Variants in KCNQ3 observed in about 807,000 individuals in gnomAD.
KCNQ3 encodes the protein potassium voltage-gated channel subfamily Q member 3.
A neutral mutation model predicts 92.5 loss-of-function variants in KCNQ3; 30 were observed. The observed-to-expected ratio is 0.32, with a 90% CI of 0.24 to 0.44. KCNQ3 has a LOEUF of 0.44. Ranked by LOEUF, KCNQ3 falls within the 20% of genes least tolerant of loss-of-function variation. The pLI is 1.00. For missense variants in KCNQ3, 913 were observed against 1,140.3 expected, an observed-to-expected ratio of 0.80 and a Z score of 2.87; for synonymous variants, 450 against 468.8, an observed-to-expected ratio of 0.96 and a Z score of 0.52.
intron 9 of KCNQ3, among the ~76,000 whole-genome samples, chr8:132,145,830 C>T (rs1825433277): frequency 6.6e-6 from 1 of 152,134 alleles, no homozygotes; most frequent in Admixed American, 6.5e-5. Flanking sequence ...TTTCAGTAAT[C>T]AAGGATTAAG....
intron 1 of KCNQ3, among the ~76,000 whole-genome samples, chr8:132,367,903 C>T (rs536187431): frequency 6.6e-6 from 1 of 152,148 alleles, no homozygotes; most frequent in Non-Finnish European, 1.5e-5. Context: ...ACCGGGCATG[C>T]AGTAGGTGAT....
Position 132,212,788 on chromosome 8 carries a change from C to T in KCNQ3, c.387-26607G>A, listed in dbSNP as rs80117921. On this transcript the variant is annotated intron_variant, in intron 1 of 14. Transcript: ENST00000388996. Reference sequence around the variant, plus strand: ...CTTCACCTCCACTGCTGTCACTATCCCCCTAGCCTGTGACTTTGGCTTTTT... The same window carrying T: ...CTTCACCTCCACTGCTGTCACTATCTCCCTAGCCTGTGACTTTGGCTTTTT... Among the ~76,000 whole-genome samples, 18 of 152,268 alleles carry T rather than the reference C, an allele frequency of 1.2e-4. No homozygotes were observed. In the East Asian group the frequency reaches 3.5e-3, roughly 29 times the overall value.
chr8:132,460,338 A>G (rs2673586), intron 1 of KCNQ3, among the ~76,000 whole-genome samples: 134,211 of 152,234 alleles, frequency 0.88, 59,238 homozygotes, highest in East Asian at 0.94. Flanking sequence ...ATAACCATCT[A>G]TGTTTGTATT....
intron 1 of KCNQ3, among the ~76,000 whole-genome samples, chr8:132,392,623 A>G (rs1183128947): frequency 1.3e-5 from 2 of 151,916 alleles, no homozygotes; most frequent in African/African-American, 2.4e-5. Context: ...GCAACACAGC[A>G]AGACCCTGAC....
chr8:132,251,837 G>A (rs1423593953), intron 1 of KCNQ3, among the ~76,000 whole-genome samples: 1 of 152,218 alleles, frequency 6.6e-6, no homozygotes, highest in Non-Finnish European at 1.5e-5. Context: ...ATCCCTCTCG[G>A]AGAATTTTAT....
At chr8:132,393,721 T>C (rs949877134) in intron 1 of KCNQ3, among the ~76,000 whole-genome samples, 4 of 152,216 alleles carry the variant, frequency 2.6e-5, no homozygotes, top group African/African-American at 9.7e-5. Flanking sequence ...CTAAGGACTG[T>C]TATTCCTCAT....
chr8:132,257,729 G>A (rs1260083285), intron 1 of KCNQ3, among the ~76,000 whole-genome samples: 2 of 118,228 alleles, frequency 1.7e-5, no homozygotes, highest in African/African-American at 6.3e-5. Flanking sequence ...CCTGGTGATA[G>A]AGTGAGACTC....
At chr8:132,140,050 C>G (rs1295591877) in intron 11 of KCNQ3, 26 bp downstream of exon 11, 1 of 1,510,404 alleles carries the variant, frequency 6.6e-7, no homozygotes, top group Admixed American at 1.9e-5. Flanking sequence ...GGCACACAGG[C>G]ACAGGTGGGA....
At chr8:132,376,458 G>A (rs1244817086) in intron 1 of KCNQ3, among the ~76,000 whole-genome samples, 3 of 152,166 alleles carry the variant, frequency 2.0e-5, no homozygotes, top group Non-Finnish European at 2.9e-5. Context: ...ACAGAGCAGT[G>A]GTTTCATTAA....
intron 1 of KCNQ3, among the ~76,000 whole-genome samples, chr8:132,257,317 G>A (rs971077698): frequency 2.0e-5 from 3 of 151,976 alleles, no homozygotes; most frequent in African/African-American, 7.3e-5. Context: ...TGAAAGAATG[G>A]AGGACCAACG....
intron 1 of KCNQ3, among the ~76,000 whole-genome samples, chr8:132,245,758 G>A (rs1815152227): frequency 6.6e-6 from 1 of 152,110 alleles, no homozygotes; most frequent in Non-Finnish European, 1.5e-5. Flanking sequence ...TCTATCTACT[G>A]CTTGTCACAA....
chr8:132,451,468 G>A (rs986972636), intron 1 of KCNQ3, among the ~76,000 whole-genome samples: 51 of 152,168 alleles, frequency 3.4e-4, no homozygotes, highest in Admixed American at 3.0e-3. Context: ...ATGCCCACTG[G>A]CCTGAGACAC....
At chr8:132,226,398 C>A (rs1347788542) in intron 1 of KCNQ3, among the ~76,000 whole-genome samples, 1 of 152,078 alleles carries the variant, frequency 6.6e-6, no homozygotes, top group Non-Finnish European at 1.5e-5. Context: ...TATGTGTGTG[C>A]ATGGGTGTGT....
At chr8:132,168,568 G>C (rs1238655784) in intron 8 of KCNQ3, among the ~76,000 whole-genome samples, 5 of 152,082 alleles carry the variant, frequency 3.3e-5, no homozygotes, top group Admixed American at 3.3e-4. Flanking sequence ...AATCTTTCAG[G>C]GTCCTGGAGG....
At chr8:132,186,960 G>GAGAGAGAC (rs1826986393) in intron 1 of KCNQ3, among the ~76,000 whole-genome samples, 4 of 134,356 alleles carry the variant, frequency 3.0e-5, no homozygotes, top group African/African-American at 8.8e-5. Flanking sequence ...GAGAGACAGA[G>GAGAGAGAC]AGAGAGAGAG....
intron 1 of KCNQ3, among the ~76,000 whole-genome samples, chr8:132,479,880 C>T (rs1211749361): frequency 6.6e-6 from 1 of 151,240 alleles, no homozygotes; most frequent in Non-Finnish European, 1.5e-5. Flanking sequence ...GCGCACACAT[C>T]CGCCCAAATC....
At position 132,361,955 on chromosome 8, in the gene KCNQ3, C is replaced by T. The variant is rs183166882; in HGVS notation, c.386+118192G>A. ...GGAAGGAATAGTATAAAGCCATTAACATTATATTAACACAATTATGTTAGC... is the reference window on the plus strand; with the variant it reads ...GGAAGGAATAGTATAAAGCCATTAATATTATATTAACACAATTATGTTAGC... On this transcript the variant is annotated intron_variant, in intron 1 of 14. Transcript: ENST00000388996. Among the ~76,000 whole-genome samples the T allele has an allele frequency of 3.3e-3, 504 of 152,164 alleles. 1 individual carries two copies. The highest frequency in any genetic ancestry group is 0.012 in the African/African-American group (483 of 41,504).
At chr8:132,473,021 A>G (rs1420729691) in intron 1 of KCNQ3, among the ~76,000 whole-genome samples, 2 of 152,252 alleles carry the variant, frequency 1.3e-5, no homozygotes, top group Non-Finnish European at 2.9e-5. Context: ...AAGAAACAGC[A>G]GAGTTAAATG....
chr8:132,326,315 A>C (rs1023892360), intron 1 of KCNQ3, among the ~76,000 whole-genome samples: 7 of 152,184 alleles, frequency 4.6e-5, no homozygotes, highest in African/African-American at 1.7e-4. Flanking sequence ...TTCCAAGGCC[A>C]CCAATAGCAG....
Sources: allele counts gnomAD v4.1 joint callset (sites outside exome capture counted in the v4.1 genomes callset), GRCh38; gene constraint gnomAD v4.1.1; transcripts MANE v1.5; gene names NCBI Gene and HGNC (gene_info 2026-07-23, HGNC 2026-07-21).